CFAP299: variants seen among roughly 807,000 people sequenced by gnomAD.
CFAP299 encodes cilia and flagella associated protein 299.
Under a neutral mutation model 27.0 loss-of-function variants are expected in CFAP299, and 21 were observed. The ratio of observed to expected loss-of-function variants is 0.78; its 90% CI spans 0.55 to 1.12. The LOEUF is 1.12. Among genes scored for constraint, CFAP299 ranks in the 50% most tolerant of loss-of-function variants. The pLI, the probability that CFAP299 is intolerant of heterozygous loss-of-function variation, is 0.00. For missense variants in CFAP299, 310 were observed against 276.6 expected (o/e 1.12, Z -0.86); for synonymous variants, 104 against 98.1 (o/e 1.06, Z -0.36).
intron 4 of CFAP299, among the ~76,000 whole-genome samples, chr4:80,892,454 T>C (rs1734356202): frequency 6.6e-6 from 1 of 152,106 alleles, no homozygotes; most frequent in Non-Finnish European, 1.5e-5. Context: ...GGGCAAAAAT[T>C]TCTTGAGTAA....
At chr4:80,433,047 C>T (rs1233983910) in intron 2 of CFAP299, among the ~76,000 whole-genome samples, 2 of 152,096 alleles carry the variant, frequency 1.3e-5, no homozygotes, top group African/African-American at 4.8e-5. Context: ...ATCAAGAAGA[C>T]TTTAAAAGAT....
At chr4:80,369,580 C>A (rs750252313) in intron 2 of CFAP299, among the ~76,000 whole-genome samples, 1 of 151,964 alleles carries the variant, frequency 6.6e-6, no homozygotes, top group Non-Finnish European at 1.5e-5. Context: ...CTGAGTTAGC[C>A]ATGTATTCTT....
chr4:80,827,360 T>C (rs1476406695), intron 3 of CFAP299, among the ~76,000 whole-genome samples: 4 of 151,874 alleles, frequency 2.6e-5, no homozygotes, highest in Non-Finnish European at 4.4e-5. Flanking sequence ...TTATACATCA[T>C]GACCAAGTGG....
chr4:80,889,640 C>G lies in CFAP299; in HGVS notation c.476+19505C>G, dbSNP rs912183572. On this transcript the variant is annotated intron_variant, in intron 4 of 5. Transcript: ENST00000358105. ...CTTATTCTACAAAGCCAGCATTACC[C>G]TAATACCAAAACCAGACAAAAACAT... is the stretch of plus-strand genomic sequence containing the variant. Among the ~76,000 whole-genome samples, 3 of 152,058 alleles carry G rather than the reference C, an allele frequency of 2.0e-5. No individual in the cohort carries two copies. In the East Asian group the frequency reaches 5.8e-4, roughly 29 times the overall value.
intron 3 of CFAP299, among the ~76,000 whole-genome samples, chr4:80,591,999 G>A (rs1004543079): frequency 1.3e-5 from 2 of 152,140 alleles, no homozygotes; most frequent in Non-Finnish European, 2.9e-5. Flanking sequence ...TGGTAAACTG[G>A]AGTCTATGGA....
chr4:80,638,105 T>G (rs1030882424), intron 3 of CFAP299, among the ~76,000 whole-genome samples: 1 of 152,126 alleles, frequency 6.6e-6, no homozygotes, highest in Non-Finnish European at 1.5e-5. Flanking sequence ...TATTGACAGA[T>G]GAGAAACTGA....
intron 4 of CFAP299, among the ~76,000 whole-genome samples, chr4:80,931,166 AGTG>A (rs1297004410): frequency 3.4e-5 from 5 of 148,536 alleles, no homozygotes; most frequent in East Asian, 1.9e-4. Flanking sequence ...TGAGTGAGTG[AGTG>A]AGTGAGTGAG....
intron 4 of CFAP299, among the ~76,000 whole-genome samples, chr4:80,931,254 A>G (rs1349393088): frequency 2.6e-5 from 4 of 152,070 alleles, no homozygotes; most frequent in African/African-American, 7.2e-5. Context: ...TGTGACCTCT[A>G]AGCAACAATT....
intron 3 of CFAP299, among the ~76,000 whole-genome samples, chr4:80,663,787 T>C (rs1740993087): frequency 6.6e-6 from 1 of 152,196 alleles, no homozygotes; most frequent in Non-Finnish European, 1.5e-5. Flanking sequence ...CCACATTCTC[T>C]CCAGCATCCG....
intron 3 of CFAP299, among the ~76,000 whole-genome samples, chr4:80,700,514 A>G (rs1259632057): frequency 6.6e-6 from 1 of 152,088 alleles, no homozygotes; most frequent in Non-Finnish European, 1.5e-5. Flanking sequence ...AGATTTACTG[A>G]GTCTGAGGGC....
chr4:80,449,840 T>A (rs1728812983), intron 2 of CFAP299, among the ~76,000 whole-genome samples: 1 of 151,970 alleles, frequency 6.6e-6, no homozygotes, highest in Admixed American at 6.6e-5. Flanking sequence ...TTTTATTTAA[T>A]ATTTATAAAT....
chr4:80,774,756 C>T (rs889251622), intron 3 of CFAP299, among the ~76,000 whole-genome samples: 6 of 151,994 alleles, frequency 3.9e-5, no homozygotes, highest in African/African-American at 1.4e-4. Context: ...GCAGAAAACT[C>T]TCATGCAGAT....
intron 3 of CFAP299, among the ~76,000 whole-genome samples, chr4:80,644,940 G>A (rs1361868987): frequency 3.9e-5 from 6 of 152,080 alleles, no homozygotes; most frequent in Non-Finnish European, 7.4e-5. Flanking sequence ...TCTTTCAGCA[G>A]CATTAATCAT....
At chr4:80,767,343 C>T (rs2110081571) in intron 3 of CFAP299, among the ~76,000 whole-genome samples, 1 of 152,292 alleles carries the variant, frequency 6.6e-6, no homozygotes, top group East Asian at 1.9e-4. Context: ...GGCACGGTGG[C>T]TCACGCCTGT....
chr4:80,524,872 G>A (rs1235640431), intron 2 of CFAP299, among the ~76,000 whole-genome samples: 1 of 152,148 alleles, frequency 6.6e-6, no homozygotes, highest in Non-Finnish European at 1.5e-5. Flanking sequence ...TGGTTCTCAC[G>A]AAGCTGCATT....
At chr4:80,398,266 G>C (rs541604823) in intron 2 of CFAP299, among the ~76,000 whole-genome samples, 1 of 152,238 alleles carries the variant, frequency 6.6e-6, no homozygotes, top group Non-Finnish European at 1.5e-5. Flanking sequence ...TACTGCCCAA[G>C]GTAATTTATA....
intron 4 of CFAP299, among the ~76,000 whole-genome samples, chr4:80,894,031 C>G (rs1030436280): frequency 2.0e-5 from 3 of 151,334 alleles, no homozygotes; most frequent in African/African-American, 7.3e-5. Flanking sequence ...AAACAAATAA[C>G]CCAATTAAAA....
chr4:80,787,874 G>GAC (rs1727335413), intron 3 of CFAP299, among the ~76,000 whole-genome samples: 1 of 151,724 alleles, frequency 6.6e-6, no homozygotes, highest in Non-Finnish European at 1.5e-5. Context: ...AATCCTCCCT[G>GAC]ACACAGCTGA....
chr4:80,372,426 G>A (rs933678776), intron 2 of CFAP299, among the ~76,000 whole-genome samples: 1 of 152,224 alleles, frequency 6.6e-6, no homozygotes, highest in Non-Finnish European at 1.5e-5. Flanking sequence ...TGCTTGTGTA[G>A]CAGGCGTTCA....
Sources: gnomAD v4.1 joint callset for allele counts (sites outside exome capture counted in the v4.1 genomes callset) on GRCh38, gnomAD v4.1.1 for gene constraint, MANE v1.5 for transcripts, NCBI Gene and HGNC (gene_info 2026-07-23, HGNC 2026-07-21) for gene names.